The following ERC2 variants were observed in gnomAD, a reference collection of about 807,000 sequenced individuals.
ERC2 encodes the protein ELKS/RAB6-interacting/CAST family member 2, also known as ERC protein 2.
Under a neutral mutation model 114.8 loss-of-function variants are expected in ERC2, and 42 were observed. The ratio of observed to expected loss-of-function variants is 0.37; its 90% CI spans 0.29 to 0.47. ERC2 has a LOEUF of 0.47. Among genes scored for constraint, ERC2 ranks in the 20% least tolerant of loss-of-function variants. The pLI is 0.99. For missense variants in ERC2, 939 were observed against 1,150.7 expected, an observed-to-expected ratio of 0.82 and a Z score of 2.66; for synonymous variants, 454 against 425.5, an observed-to-expected ratio of 1.07 and a Z score of -0.82.
intron 3 of ERC2, among the ~76,000 whole-genome samples, chr3:56,182,162 C>T (rs1357006163): frequency 6.6e-6 from 1 of 152,214 alleles, no homozygotes; most frequent in African/African-American, 2.4e-5. Flanking sequence ...ACATTCCATA[C>T]ACTCATGTAT....
intron 2 of ERC2, among the ~76,000 whole-genome samples, chr3:56,406,795 T>C (rs1453047380): frequency 1.3e-5 from 2 of 152,152 alleles, no homozygotes; most frequent in African/African-American, 4.8e-5. Flanking sequence ...ATGCAAAAAC[T>C]CTTAATTTTG....
At chr3:55,559,255 G>C (rs1348804457) in intron 17 of ERC2, among the ~76,000 whole-genome samples, 3 of 152,204 alleles carry the variant, frequency 2.0e-5, no homozygotes, top group African/African-American at 4.8e-5. Flanking sequence ...AGAAAGCAAT[G>C]GTTCTCCAAC....
In ERC2 at chr3:56,434,363, A is replaced by G. The variant is rs777078743; in HGVS notation, c.645T>C (p.His215=). 1.0e-4 allele frequency: 165 copies of G among 1,612,974 alleles called. No individual in the cohort carries two copies. The highest frequency in any genetic ancestry group is 3.5e-4 in the Admixed American group (21 of 59,918). The part of the protein sequence containing the change: ...SVLKEQMRVS[H]EENQHLQLTI... The stretch of plus-strand genomic sequence containing the variant: ...AGTCATGACCTACCTGATTTTCTTC[A>G]TGGGAAACCCTCATCTGCTCCTTGA... The change falls in exon 2 of 18, where the codon CAT becomes CAC. Residue 215 remains histidine, a synonymous_variant. Transcript: ENST00000288221.
At chr3:55,658,066 C>G (rs1277792711) in intron 17 of ERC2, 2 of 152,136 alleles carry the variant, frequency 1.3e-5, no homozygotes, top group Non-Finnish European at 2.9e-5. Flanking sequence ...TGGCCTCAAA[C>G]TGACTTATGG....
At chr3:55,639,936 A>G (rs560999281) in intron 17 of ERC2, among the ~76,000 whole-genome samples, 1 of 152,184 alleles carries the variant, frequency 6.6e-6, no homozygotes, top group Non-Finnish European at 1.5e-5. Flanking sequence ...GCGACACTCA[A>G]AGTCTCACCG....
chr3:55,953,177 C>G (rs2067699984), intron 12 of ERC2, among the ~76,000 whole-genome samples: 1 of 148,646 alleles, frequency 6.7e-6, no homozygotes, highest in African/African-American at 2.5e-5. Context: ...TGCACTCCAG[C>G]CTGGGTGACA....
At chr3:56,319,331 G>A (rs1359808441) in intron 2 of ERC2, among the ~76,000 whole-genome samples, 3 of 151,642 alleles carry the variant, frequency 2.0e-5, no homozygotes, top group African/African-American at 7.3e-5. Context: ...AGAAAATTCT[G>A]CCATATGCCA....
At chr3:55,809,869 A>G (rs1313982150) in intron 14 of ERC2, among the ~76,000 whole-genome samples, 1 of 152,232 alleles carries the variant, frequency 6.6e-6, no homozygotes, top group African/African-American at 2.4e-5. Context: ...TTTCAGATAC[A>G]CCAAATATGT....
intron 2 of ERC2, among the ~76,000 whole-genome samples, chr3:56,379,280 T>C (rs532066052): frequency 2.6e-5 from 4 of 152,300 alleles, no homozygotes; most frequent in Admixed American, 2.6e-4. Context: ...AGAGACCTTC[T>C]TGTGTTATTA....
At chr3:55,760,094 G>C (rs962871780) in intron 14 of ERC2, among the ~76,000 whole-genome samples, 2 of 152,110 alleles carry the variant, frequency 1.3e-5, no homozygotes, top group African/African-American at 2.4e-5. Context: ...TTTCAGTCTC[G>C]TACTTTTCTA....
chr3:56,282,378 A>C (rs2054405925), intron 3 of ERC2, among the ~76,000 whole-genome samples: 1 of 152,218 alleles, frequency 6.6e-6, no homozygotes, highest in Non-Finnish European at 1.5e-5. Context: ...AATAGAAACC[A>C]GATGAGAAGC....
At position 55,640,806 on chromosome 3, in the gene ERC2, T is replaced by A. The variant is rs568678493; in HGVS notation, c.*39+42988A>T. ...CTTCAACAAGCCCTGTAGGAGACGTTCTTTTTGCCTGTTCATTACTCAGTA... is the reference window on the plus strand; with the variant it reads ...CTTCAACAAGCCCTGTAGGAGACGTACTTTTTGCCTGTTCATTACTCAGTA... On this transcript the variant is annotated intron_variant, in intron 17 of 17. Coordinates refer to ENST00000288221, the MANE Select transcript of ERC2 (RefSeq NM_015576.3). Among the ~76,000 whole-genome samples the A allele has an allele frequency of 2.6e-5, 4 of 152,318 alleles. No individual in the cohort carries two copies. In the South Asian group the frequency reaches 8.3e-4, roughly 32 times the overall value.
At chr3:56,399,853 C>T (rs2060455583) in intron 2 of ERC2, among the ~76,000 whole-genome samples, 1 of 152,054 alleles carries the variant, frequency 6.6e-6, no homozygotes, top group Non-Finnish European at 1.5e-5. Flanking sequence ...ACAATTTAAA[C>T]TCTCTGCAGG....
chr3:55,754,498 AG>A (rs950770929), intron 14 of ERC2, among the ~76,000 whole-genome samples: 43 of 139,802 alleles, frequency 3.1e-4, no homozygotes, highest in African/African-American at 9.7e-4. Context: ...AGAGCCAAAA[AG>A]CTTTCTGCAA....
At chr3:55,673,913 TG>T (rs1481019008) in intron 17 of ERC2, among the ~76,000 whole-genome samples, 2 of 149,706 alleles carry the variant, frequency 1.3e-5, no homozygotes, top group African/African-American at 4.9e-5. Flanking sequence ...CAGCAGAGGC[TG>T]GGGGATCAGC....
At chr3:55,982,981 G>T (rs969688048) in intron 12 of ERC2, among the ~76,000 whole-genome samples, 1 of 152,194 alleles carries the variant, frequency 6.6e-6, no homozygotes, top group East Asian at 1.9e-4. Flanking sequence ...GCTGCCAGGC[G>T]CCAGCCATCA....
chr3:55,663,296 C>T (rs888885914), intron 17 of ERC2, among the ~76,000 whole-genome samples: 1 of 152,232 alleles, frequency 6.6e-6, no homozygotes, highest in Non-Finnish European at 1.5e-5. Context: ...TCCAATGTAC[C>T]TGCCAGAGCA....
At chr3:56,170,679 C>T (rs2082613321) in intron 4 of ERC2, among the ~76,000 whole-genome samples, 1 of 149,126 alleles carries the variant, frequency 6.7e-6, no homozygotes, top group African/African-American at 2.5e-5. Context: ...TCACTGCAAC[C>T]TCCACGCCCA....
At chr3:56,027,910 C>T (rs1435290537) in intron 7 of ERC2, among the ~76,000 whole-genome samples, 1 of 152,140 alleles carries the variant, frequency 6.6e-6, no homozygotes, top group Non-Finnish European at 1.5e-5. Flanking sequence ...GTTTTTCTAA[C>T]AAATTTATAC....
Sources: gnomAD v4.1 joint callset for allele counts (sites outside exome capture counted in the v4.1 genomes callset) on GRCh38, gnomAD v4.1.1 for gene constraint, MANE v1.5 for transcripts, NCBI Gene and HGNC (gene_info 2026-07-23, HGNC 2026-07-21) for gene names.